Variants in CCDC181 observed in about 807,000 individuals in gnomAD.
The protein encoded by CCDC181 is coiled-coil domain containing 181, also known as coiled-coil domain-containing protein 181.
Under a neutral mutation model 58.7 loss-of-function variants are expected in CCDC181, and 35 were observed. The observed-to-expected ratio is 0.60, with a 90% CI of 0.46 to 0.79. The LOEUF is 0.79. Ranked by LOEUF, CCDC181 falls within the 30% of genes least tolerant of loss-of-function variation. CCDC181 has a pLI of 0.00. For synonymous variants in CCDC181, 183 were observed against 197.5 expected (o/e 0.93, Z 0.62); for missense variants, 517 against 583.9 (o/e 0.89, Z 1.18).
chr1:169,448,682 T>C (rs1286384705), intron 2 of CCDC181, among the ~76,000 whole-genome samples: 2 of 152,146 alleles, frequency 1.3e-5, no homozygotes, highest in African/African-American at 2.4e-5. Context: ...CTGAGCTTTC[T>C]GGATCTGTTG....
At chr1:169,424,512 AATC>A (rs1656629990) in intron 2 of CCDC181, among the ~76,000 whole-genome samples, 1 of 151,766 alleles carries the variant, frequency 6.6e-6, no homozygotes, top group Non-Finnish European at 1.5e-5. Context: ...CGATGCAATA[AATC>A]ATGATTTTAC....
chr1:169,397,518 A>T, intron 4 of CCDC181, 127 bp from the exon 5 acceptor site: 1 of 743,046 alleles, frequency 1.3e-6, no homozygotes, highest in Non-Finnish European at 2.0e-6. Context: ...CAGCCTCATT[A>T]CCTGCATTCC....
Position 169,394,977 on chromosome 1 carries a change from A to T in CCDC181, c.*70T>A. The T allele has an allele frequency of 7.3e-7, 1 of 1,360,760 alleles. No individual in the cohort carries two copies. 84.3% of individuals were successfully genotyped at this position (1,360,760 alleles called of 1,614,324 possible). A position where few individuals can be genotyped will look rare whatever the true frequency, so the allele number is the denominator to read the frequency against. ...CCATAATTTAGAATACAACCAAAGT[A>T]CACAGACCCTAAGAAATCATATCCA... is the stretch of plus-strand genomic sequence containing the variant. On this transcript the variant is annotated 3_prime_UTR_variant, in exon 6 of 6. Coordinates refer to ENST00000367806, the MANE Select transcript of CCDC181 (RefSeq NM_001300969.2).
intron 4 of CCDC181, among the ~76,000 whole-genome samples, chr1:169,402,982 CAA>C (rs200205840): frequency 5.7e-5 from 7 of 122,782 alleles, no homozygotes; most frequent in Admixed American, 1.6e-4. Context: ...GGAAAACAAA[CAA>C]AAAAAAAAAA....
intron 3 of CCDC181, 69 bp from the exon 4 acceptor site, chr1:169,419,228 G>T (rs896172270): frequency 1.9e-5 from 27 of 1,417,846 alleles, no homozygotes; most frequent in Admixed American, 5.5e-5. Context: ...AGAGTAGAGA[G>T]ATATATTTTG....
intron 2 of CCDC181, among the ~76,000 whole-genome samples, chr1:169,454,132 T>A (rs903995625): frequency 5.3e-5 from 8 of 152,186 alleles, no homozygotes; most frequent in Admixed American, 2.6e-4. Context: ...TTTGCGGTAG[T>A]CAGACAAAGG....
intron 3 of CCDC181, among the ~76,000 whole-genome samples, 168 bp from the exon 4 acceptor site, chr1:169,419,327 C>T (rs1656360511): frequency 6.6e-6 from 1 of 152,180 alleles, no homozygotes; most frequent in Non-Finnish European, 1.5e-5. Flanking sequence ...TGCCTGTAAT[C>T]CCAGCACTCT....
At chr1:169,448,313 A>T (rs1040203170) in intron 2 of CCDC181, among the ~76,000 whole-genome samples, 11 of 152,064 alleles carry the variant, frequency 7.2e-5, no homozygotes, top group Admixed American at 2.6e-4. Context: ...TTTCTGACCT[A>T]TGTCATTTTC....
At chr1:169,407,790 C>T (rs550514562) in intron 4 of CCDC181, among the ~76,000 whole-genome samples, 1 of 152,254 alleles carries the variant, frequency 6.6e-6, no homozygotes, top group East Asian at 1.9e-4. Context: ...TGAGCCGAGG[C>T]AGGGTGAAGC....
chr1:169,441,559 C>T (rs995895976), intron 2 of CCDC181, among the ~76,000 whole-genome samples: 10 of 152,134 alleles, frequency 6.6e-5, no homozygotes, highest in Admixed American at 3.3e-4. Flanking sequence ...TCTTCCTTCT[C>T]CCCTCTAAAG....
upstream of CCDC181, among the ~76,000 whole-genome samples, chr1:169,432,115 T>G (rs1306910513): frequency 6.6e-6 from 1 of 151,706 alleles, no homozygotes; most frequent in East Asian, 1.9e-4. Context: ...GTGAAGAAAA[T>G]AATATATAAA....
intron 4 of CCDC181, among the ~76,000 whole-genome samples, chr1:169,406,979 G>A (rs2102058840): frequency 6.7e-6 from 1 of 148,540 alleles, no homozygotes; most frequent in Admixed American, 6.7e-5. Context: ...CAGACGTTTA[G>A]TAACATGAGA....
At chr1:169,431,740 T>G (rs1376559550), upstream of CCDC181, among the ~76,000 whole-genome samples, 1 of 152,120 alleles carries the variant, frequency 6.6e-6, no homozygotes, top group African/African-American at 2.4e-5. Flanking sequence ...TTAACATAGT[T>G]CATGAGAGTC....
In CCDC181 at chr1:169,395,167, T is replaced by C. The variant is rs781323604; in HGVS notation, c.1410A>G (p.Gln470=). 1.9e-6 allele frequency: 3 copies of C among 1,612,772 alleles called. No individual in the cohort carries two copies. Among genetic ancestry groups the C allele is most frequent in the Non-Finnish European group, 2.5e-6 (3 of 1,179,588 alleles). ...GTCTAGTTCTCTCTCTGACAGCTTG[T>C]TGCTCTGCCATTTTTTCCATCCGTT... is the stretch of plus-strand genomic sequence containing the variant. ...RRKRMEKMAE[Q]QAVRERTRQL... is the part of the protein sequence containing the mutation. Residue 470 remains glutamine (Q), a synonymous_variant, in exon 6 of 6, where the codon CAA becomes CAG. Coordinates refer to ENST00000367806, the MANE Select transcript of CCDC181 (RefSeq NM_001300969.2).
At chr1:169,409,044 G>A (rs1220656224) in intron 4 of CCDC181, among the ~76,000 whole-genome samples, 3 of 152,180 alleles carry the variant, frequency 2.0e-5, no homozygotes, top group East Asian at 1.9e-4. Context: ...TGAGTTTGAC[G>A]AATTGACGGA....
chr1:169,426,373 C>T (rs1337079090), intron 1 of CCDC181, among the ~76,000 whole-genome samples: 1 of 152,180 alleles, frequency 6.6e-6, no homozygotes, highest in Non-Finnish European at 1.5e-5. Flanking sequence ...CTACTTTATG[C>T]TTGTGAGTTT....
Position 169,442,642 on chromosome 1 carries a change from G to A in CCDC181, c.-24+17155C>T, listed in dbSNP as rs113669762. ...AACACAAAGACTTTATAATTGTAAT[G>A]TTTAACACACATATATTTGAAATGG... On this transcript the variant is annotated intron_variant, in intron 2 of 6. Transcript: ENST00000545005. The A allele has an allele frequency of 8.5e-5, 13 of 152,194 alleles. No individual in the cohort carries two copies. In the South Asian group the frequency reaches 2.5e-3, roughly 29 times the overall value. The allele number at this position is 152,194 out of a possible 1,614,324, so 9.4% of individuals were successfully genotyped here.
chr1:169,442,514 T>C (rs1657258176), intron 2 of CCDC181: 1 of 152,110 alleles, frequency 6.6e-6, no homozygotes, highest in South Asian at 2.1e-4. Context: ...TAGAATGTGA[T>C]AACTTGAAAG....
Position 169,421,555 on chromosome 1 carries a change from A to G in CCDC181, c.876T>C (p.Ala292=). 1 of 1,614,116 alleles carries G rather than the reference A, an allele frequency of 6.2e-7. No individual in the cohort carries two copies. Among genetic ancestry groups the G allele is most frequent in the Non-Finnish European group, 8.5e-7 (1 of 1,180,024 alleles). The change falls in exon 3 of 6, where the codon GCT becomes GCC. Residue 292 remains alanine, a synonymous_variant. Transcript: ENST00000367806. The part of the protein sequence containing the change: ...SSTGEPLAYI[A]QPPLNRKTCP... ...AAGTCTTGCGGTTGAGTGGTGGCTG[A>G]GCGATATAAGCCAGCGGCTCTCCTG...
Sources: gnomAD v4.1 joint callset for allele counts (sites outside exome capture counted in the v4.1 genomes callset) on GRCh38, gnomAD v4.1.1 for gene constraint, MANE v1.5 for transcripts, NCBI Gene and HGNC (gene_info 2026-07-23, HGNC 2026-07-21) for gene names.